Variants in FBXL17 observed in about 807,000 individuals in gnomAD.
FBXL17 encodes F-box/LRR-repeat protein 17.
Under a neutral mutation model 66.2 loss-of-function variants are expected in FBXL17, and 22 were observed. The ratio of observed to expected loss-of-function variants is 0.33; its 90% confidence interval spans 0.24 to 0.47. The LOEUF is 0.47. Among genes scored for constraint, FBXL17 ranks in the 20% least tolerant of loss-of-function variants. The probability of loss-of-function intolerance (pLI) is 1.00; values close to 1 mark genes in which losing one functional copy is unlikely to be tolerated. For synonymous variants in FBXL17, 474 were observed against 400.5 expected, an observed-to-expected ratio of 1.18 and a Z score of -2.19; for missense variants, 878 against 948.2, an observed-to-expected ratio of 0.93 and a Z score of 0.97.
At chr5:107,881,977 C>T (rs1052037580) in intron 7 of FBXL17, among the ~76,000 whole-genome samples, 1 of 152,190 alleles carries the variant, frequency 6.6e-6, no homozygotes, top group African/African-American at 2.4e-5. Context: ...CATAACCCAT[C>T]ACCCCATCAC....
intron 6 of FBXL17, among the ~76,000 whole-genome samples, chr5:108,085,453 G>A (rs575333893): frequency 1.8e-4 from 28 of 152,174 alleles, no homozygotes; most frequent in Non-Finnish European, 1.8e-4. Flanking sequence ...GACTCCACTG[G>A]TGGCTCCAAG....
intron 8 of FBXL17, among the ~76,000 whole-genome samples, chr5:107,875,105 CTCTT>C (rs1183839573): frequency 7.0e-6 from 1 of 142,546 alleles, no homozygotes; most frequent in African/African-American, 2.9e-5. Context: ...CTCTCTCTCT[CTCTT>C]TTTTTTTTTT....
chr5:107,925,623 G>A (rs1049931614), intron 7 of FBXL17, among the ~76,000 whole-genome samples: 3 of 152,088 alleles, frequency 2.0e-5, no homozygotes, highest in African/African-American at 7.2e-5. Context: ...TTTTTCCTTT[G>A]GGTAGACAAT....
intron 4 of FBXL17, among the ~76,000 whole-genome samples, chr5:108,325,367 A>G (rs551421701): frequency 1.3e-5 from 2 of 152,292 alleles, no homozygotes; most frequent in South Asian, 2.1e-4. Flanking sequence ...ATGAATTCTT[A>G]TCTCAAGGAG....
At chr5:107,930,607 C>T (rs1750696888) in intron 7 of FBXL17, among the ~76,000 whole-genome samples, 1 of 152,172 alleles carries the variant, frequency 6.6e-6, no homozygotes. Flanking sequence ...CGTGGCAGCC[C>T]CAGTGCCCAT....
At chr5:107,996,948 C>T (rs2112706233) in intron 7 of FBXL17, among the ~76,000 whole-genome samples, 1 of 152,262 alleles carries the variant, frequency 6.6e-6, no homozygotes, top group Middle Eastern at 3.4e-3. Context: ...TCGCATGTTG[C>T]CTGTGACAGA....
intron 4 of FBXL17, among the ~76,000 whole-genome samples, chr5:108,276,795 T>G (rs1040539670): frequency 6.6e-6 from 1 of 152,120 alleles, no homozygotes; most frequent in African/African-American, 2.4e-5. Flanking sequence ...ATTCAAGCCC[T>G]TAGACATTTT....
chr5:107,888,982 C>T (rs1749100216), intron 7 of FBXL17, among the ~76,000 whole-genome samples: 1 of 152,136 alleles, frequency 6.6e-6, no homozygotes, highest in African/African-American at 2.4e-5. Context: ...TCCAGTTTCC[C>T]TTGCATTCTT....
rs907356925 is a variant in FBXL17 at position 107,875,458 on chromosome 5, T to C, written c.1965+5579A>G. ...TGTTGAGGCTTTCTCTTACCATAAT[T>C]ACTTCCTGAAATATGCAGTGGTCAA... On this transcript the variant is annotated intron_variant, in intron 8 of 8. Transcript: ENST00000542267. Among the ~76,000 whole-genome samples the C allele has an allele frequency of 9.2e-5, 14 of 152,202 alleles. No individual in the cohort carries two copies. In the South Asian group the frequency reaches 2.9e-3, roughly 31 times the overall value.
chr5:108,174,301 C>G (rs1207239418), intron 6 of FBXL17, among the ~76,000 whole-genome samples: 1 of 151,998 alleles, frequency 6.6e-6, no homozygotes, highest in Non-Finnish European at 1.5e-5. Context: ...ATATATTGTA[C>G]AGGTTTATAT....
intron 7 of FBXL17, among the ~76,000 whole-genome samples, chr5:108,001,492 T>G (rs1467889501): frequency 2.0e-5 from 3 of 152,040 alleles, no homozygotes; most frequent in Non-Finnish European, 2.9e-5. Flanking sequence ...GAAAATTAGT[T>G]TTTTTTTGTA....
At chr5:108,051,027 A>C (rs994823430) in intron 6 of FBXL17, among the ~76,000 whole-genome samples, 8 of 152,222 alleles carry the variant, frequency 5.3e-5, no homozygotes, top group Non-Finnish European at 8.8e-5. Context: ...CCTTCCAAAG[A>C]CTAAACCAAG....
rs569465402 is a variant in FBXL17 at position 108,167,662 on chromosome 5, A to C, written c.1745+18455T>G. Among the ~76,000 whole-genome samples, 232 of 152,156 alleles carry C rather than the reference A, an allele frequency of 1.5e-3. 1 individual carries two copies. The highest frequency in any genetic ancestry group is 5.2e-3 in the African/African-American group (217 of 41,518). Reference sequence around the variant, plus strand: ...TTGCCAAAATGTCAGTGACCAAAAAACTCCTTACAAAGCCATGTTTTATAA... The same window carrying C: ...TTGCCAAAATGTCAGTGACCAAAAACCTCCTTACAAAGCCATGTTTTATAA... On this transcript the variant is annotated intron_variant, in intron 6 of 8. Transcript: ENST00000542267.
At chr5:108,078,885 C>G (rs1748654023) in intron 6 of FBXL17, among the ~76,000 whole-genome samples, 1 of 152,220 alleles carries the variant, frequency 6.6e-6, no homozygotes, top group Admixed American at 6.5e-5. Context: ...GATTAATAAA[C>G]TGTATGCCTT....
chr5:107,959,228 T>C (rs1311047500), intron 7 of FBXL17, among the ~76,000 whole-genome samples: 5 of 152,120 alleles, frequency 3.3e-5, no homozygotes, highest in Non-Finnish European at 1.5e-5. Context: ...CACAGAGCCC[T>C]GGGTCTAGCA....
intron 6 of FBXL17, among the ~76,000 whole-genome samples, chr5:108,149,936 T>C (rs1751702873): frequency 6.6e-6 from 1 of 152,160 alleles, no homozygotes; most frequent in Non-Finnish European, 1.5e-5. Flanking sequence ...CCACCTTATA[T>C]GTGGTTAAAA....
intron 7 of FBXL17, among the ~76,000 whole-genome samples, chr5:108,007,825 T>C (rs180948251): frequency 3.5e-4 from 54 of 152,268 alleles, no homozygotes; most frequent in East Asian, 1.9e-4. Flanking sequence ...TTCCACATAA[T>C]GTAGAGTATG....
intron 6 of FBXL17, among the ~76,000 whole-genome samples, chr5:108,033,823 C>T (rs974182045): frequency 3.3e-5 from 5 of 152,076 alleles, no homozygotes; most frequent in African/African-American, 1.2e-4. Context: ...ACGAGTTCAA[C>T]ATTAAAAAAT....
intron 7 of FBXL17, among the ~76,000 whole-genome samples, chr5:108,011,426 T>C (rs772775022): frequency 5.9e-5 from 9 of 152,128 alleles, no homozygotes; most frequent in Non-Finnish European, 1.3e-4. Context: ...GAGAACAAAG[T>C]AGGTAGAACA....
Sources: allele counts gnomAD v4.1 joint callset (sites outside exome capture counted in the v4.1 genomes callset), GRCh38; gene constraint gnomAD v4.1.1; transcripts MANE v1.5; gene names NCBI Gene and HGNC (gene_info 2026-07-23, HGNC 2026-07-21).